FOXN4: variants seen among roughly 807,000 people sequenced by gnomAD.
The protein encoded by FOXN4 is forkhead box N4, also known as forkhead box protein N4.
Under a neutral mutation model 45.0 loss-of-function variants are expected in FOXN4, and 12 were observed. That is an observed-to-expected ratio of 0.27 (90% CI 0.17 to 0.43). FOXN4 has a LOEUF of 0.43. Among genes scored for constraint, FOXN4 ranks in the 20% least tolerant of loss-of-function variants. The pLI is 1.00. For missense variants in FOXN4, 560 were observed against 694.9 expected, an observed-to-expected ratio of 0.81 and a Z score of 2.18; for synonymous variants, 297 against 295.0, an observed-to-expected ratio of 1.01 and a Z score of -0.07.
At chr12:109,297,514 T>C (rs2047828824) in intron 2 of FOXN4, among the ~76,000 whole-genome samples, 1 of 152,120 alleles carries the variant, frequency 6.6e-6, no homozygotes, top group South Asian at 2.1e-4. Context: ...GTCTTTGCAT[T>C]TTTAGTAGAG....
At chr12:109,306,944 AT>A (rs1258743222) in intron 2 of FOXN4, among the ~76,000 whole-genome samples, 6 of 152,104 alleles carry the variant, frequency 3.9e-5, no homozygotes, top group Non-Finnish European at 2.9e-5. Context: ...AAGCCATTTC[AT>A]TTTTCTAAGC....
chr12:109,306,956 C>T (rs1323647257), intron 2 of FOXN4, among the ~76,000 whole-genome samples: 1 of 152,204 alleles, frequency 6.6e-6, no homozygotes, highest in African/African-American at 2.4e-5. Context: ...TTTTCTAAGC[C>T]TCAGTTTCCT....
chr12:109,279,535 C>T lies in FOXN4; in HGVS notation c.*136G>A. ...CTGCTGAGGGGAACCGCTTCCCTGT[C>T]CAGCCGGCAACTTCGCCACAGGTCC... On this transcript the variant is annotated 3_prime_UTR_variant, in exon 10 of 10. Transcript: ENST00000299162. 1 of 1,353,756 alleles carries T rather than the reference C, an allele frequency of 7.4e-7. No individual in the cohort carries two copies. 83.9% of individuals were successfully genotyped at this position (1,353,756 alleles called of 1,614,324 possible).
chr12:109,305,330 G>A (rs2047911507), intron 2 of FOXN4, among the ~76,000 whole-genome samples: 1 of 152,160 alleles, frequency 6.6e-6, no homozygotes, highest in Non-Finnish European at 1.5e-5. Context: ...AAGAGCACAG[G>A]GAAGGCAGGC....
At chr12:109,280,076 C>T in intron 9 of FOXN4, 146 bp from the exon 10 acceptor site, 1 of 1,169,390 alleles carries the variant, frequency 8.6e-7, no homozygotes, top group Non-Finnish European at 1.2e-6. Context: ...GGCCTGGTGG[C>T]TCAAGCCTGT....
In FOXN4 at chr12:109,290,351, C is replaced by T; in HGVS notation, c.87-65G>A. The T allele has an allele frequency of 6.8e-7, 1 of 1,463,502 alleles. No homozygotes were observed. The highest frequency in any genetic ancestry group is 2.6e-5 in the East Asian group (1 of 38,370). 90.7% of individuals were successfully genotyped at this position (1,463,502 alleles called of 1,614,324 possible). A position where few individuals can be genotyped will look rare whatever the true frequency, so the allele number is the denominator to read the frequency against. On this transcript the variant is annotated intron_variant, in intron 2 of 9. Transcript: ENST00000299162. The surrounding 1 kb of genome is among the most constrained non-coding windows in gnomAD (Gnocchi z 5.1). ...TTAGGCCAGCTCCTGGGGGTGCGTC[C>T]CGACCTCTGGAAGCACCCGCTTAAT...
At chr12:109,283,495 A>C (rs937918398) in intron 8 of FOXN4, among the ~76,000 whole-genome samples, 9 of 106,776 alleles carry the variant, frequency 8.4e-5, no homozygotes, top group Non-Finnish European at 1.6e-4. Flanking sequence ...TTTTTTTTTG[A>C]GATGGAGTCT....
chr12:109,303,816 T>A (rs941353380), intron 2 of FOXN4, among the ~76,000 whole-genome samples: 2 of 152,310 alleles, frequency 1.3e-5, no homozygotes, highest in South Asian at 4.1e-4. Flanking sequence ...GTTCTGCCCC[T>A]TCATAAATGT....
At chr12:109,294,431 G>C (rs530723837) in intron 2 of FOXN4, among the ~76,000 whole-genome samples, 1 of 152,112 alleles carries the variant, frequency 6.6e-6, no homozygotes, top group Non-Finnish European at 1.5e-5. Flanking sequence ...CTCCCTTCTC[G>C]GGGGTTTGCT....
At position 109,285,274 on chromosome 12, in the gene FOXN4, T is replaced by TGTGTGTGTGTGC. The variant is rs71443850; in HGVS notation, c.901+29_901+30insGCACACACACAC. ...GTGTGTGTGTGTGTGTGTGTGTGTGTGCGCGCACTGCGGGCTGTCCGGCCC... is the reference window on the plus strand; with the variant it reads ...GTGTGTGTGTGTGTGTGTGTGTGTGTGTGTGTGTGTGCGCGCGCACTGCGGGCTGTCCGGCCC... On this transcript the variant is annotated intron_variant, in intron 8 of 9. Transcript: ENST00000299162. 3.9e-6 allele frequency: 6 copies of TGTGTGTGTGTGC among 1,539,826 alleles called. No homozygotes were observed. The African/African-American group carries it at 4.3e-5, about 11-fold the overall frequency.
At chr12:109,280,420 G>A (rs1171704451) in intron 9 of FOXN4, among the ~76,000 whole-genome samples, 4 of 149,552 alleles carry the variant, frequency 2.7e-5, no homozygotes, top group Non-Finnish European at 5.9e-5. Flanking sequence ...CCCACTGAAT[G>A]TCCTTGGGAA....
chr12:109,296,466 TC>T (rs1200591513), intron 2 of FOXN4, among the ~76,000 whole-genome samples: 3 of 152,200 alleles, frequency 2.0e-5, no homozygotes, highest in African/African-American at 7.2e-5. Context: ...TTTCAGTGTC[TC>T]CCCATTGGAT....
intron 8 of FOXN4, among the ~76,000 whole-genome samples, chr12:109,283,372 C>A (rs926214947): frequency 1.3e-5 from 2 of 151,978 alleles, no homozygotes; most frequent in Non-Finnish European, 2.9e-5. Context: ...CAGATACATA[C>A]ATTTTTGGGA....
chr12:109,286,877 C>G (rs1372733328), intron 6 of FOXN4, 133 bp from the exon 7 acceptor site: 1 of 1,441,316 alleles, frequency 6.9e-7, no homozygotes, highest in Admixed American at 2.8e-5. Context: ...CACTCACACA[C>G]AGTGAGCTCT....
chr12:109,279,243 G>C lies in FOXN4; in HGVS notation c.*428C>G. 1 of 225,358 alleles carries C rather than the reference G, an allele frequency of 4.4e-6. No individual in the cohort carries two copies. The highest frequency in any genetic ancestry group is 8.0e-5 in the South Asian group (1 of 12,438). 14.0% of individuals were successfully genotyped at this position (225,358 alleles called of 1,614,324 possible). On this transcript the variant is annotated 3_prime_UTR_variant, in exon 10 of 10. Coordinates refer to ENST00000299162, the MANE Select transcript of FOXN4 (RefSeq NM_213596.3). ...CCACTCAGCCATTTCCCATGAGGAT[G>C]AATTCAAGGGCTTTCACCCCAGGGT...
intron 1 of FOXN4, 88 bp from the exon 2 acceptor site, chr12:109,308,412 G>T: frequency 1.2e-6 from 1 of 853,098 alleles, no homozygotes; most frequent in Non-Finnish European, 1.8e-6. Flanking sequence ...AATTCAGAAA[G>T]ATGGAGCACA....
In FOXN4 at chr12:109,287,546, G is replaced by C; in HGVS notation, c.469-22C>G. 2 of 1,504,384 alleles carry C rather than the reference G, an allele frequency of 1.3e-6. No homozygotes were observed. The highest frequency in any genetic ancestry group is 8.9e-7 in the Non-Finnish European group (1 of 1,128,002). 93.2% of individuals were successfully genotyped at this position (1,504,384 alleles called of 1,614,324 possible). A position where few individuals can be genotyped will look rare whatever the true frequency, so the allele number is the denominator to read the frequency against. On this transcript the variant is annotated intron_variant, in intron 5 of 9. Coordinates refer to ENST00000299162, the MANE Select transcript of FOXN4 (RefSeq NM_213596.3). This position sits in a 1 kb window ranked among gnomAD's most constrained non-coding sequence, Gnocchi z 4.1. ...GGCACTTCCCACAGGCAGGGGCAGG[G>C]AGAAAGTGGCAGAGAAAGAGAGAAG...
At chr12:109,305,206 T>C (rs1202473161) in intron 2 of FOXN4, among the ~76,000 whole-genome samples, 1 of 152,188 alleles carries the variant, frequency 6.6e-6, no homozygotes. Flanking sequence ...TGTTAAGCCA[T>C]TTAAACAGGC....
At position 109,281,445 on chromosome 12, in the gene FOXN4, T is replaced by A; in HGVS notation, c.1256A>T (p.Asp419Val). The change falls in exon 9 of 10, where the codon GAT becomes GTT. Residue 419 changes from aspartate to valine, a missense_variant. Coordinates refer to ENST00000299162, the MANE Select transcript of FOXN4 (RefSeq NM_213596.3). ...GTCCATGATGCTCGGGTCGAGGGCA[T>A]CCACCTCAGTGTTCATGTCGGTGCT... ...NISTDMNTEV[D>V]ALDPSIMDFA... 6.2e-7 allele frequency: 1 copy of A among 1,614,000 alleles called. No homozygotes were observed. Among genetic ancestry groups the A allele is most frequent in the Non-Finnish European group, 8.5e-7 (1 of 1,179,890 alleles).
Sources: allele counts gnomAD v4.1 joint callset (sites outside exome capture counted in the v4.1 genomes callset), GRCh38; gene constraint gnomAD v4.1.1; non-coding constraint Gnocchi (gnomAD v3.1); transcripts MANE v1.5; gene names NCBI Gene and HGNC (gene_info 2026-07-23, HGNC 2026-07-21).